Variants in UMODL1 observed in about 807,000 individuals in gnomAD.
UMODL1 encodes uromodulin-like 1.
UMODL1 carries 128 observed loss-of-function variants against 136.3 expected under a neutral mutation model. The observed-to-expected ratio is 0.94, with a 90% CI of 0.81 to 1.09. The LOEUF is 1.09. UMODL1 is among the 50% of genes least tolerant of loss of function. UMODL1 has a pLI of 0.00. For synonymous variants in UMODL1, 721 were observed against 720.0 expected (o/e 1.00, Z -0.02); for missense variants, 1,766 against 1,725.6 (o/e 1.02, Z -0.41).
chr21:42,102,123 T>G (rs768758993), intron 7 of UMODL1, 43 bp from the exon 8 acceptor site: 8 of 1,469,084 alleles, frequency 5.4e-6, no homozygotes, highest in Non-Finnish European at 7.6e-6. Flanking sequence ...GACAAGTGTG[T>G]GACTTTTGAC....
At chr21:42,108,879 CGT>C (rs1233820785) in intron 9 of UMODL1, among the ~76,000 whole-genome samples, 11 of 127,614 alleles carry the variant, frequency 8.6e-5, no homozygotes, top group East Asian at 2.4e-4. Flanking sequence ...CCACCCCCGG[CGT>C]GGGAAGTTCA....
rs924433721 is a variant in UMODL1, at chr21:42,076,011, G to C, written c.83G>C (p.Gly28Ala). The C allele has an allele frequency of 1.9e-6, 3 of 1,613,596 alleles. No homozygotes were observed. The highest frequency in any genetic ancestry group is 2.2e-5 in the East Asian group (1 of 44,866). ...CTTGCTTGGCCTCTTTCAGAAAAAG[G>C]CCTCTCCCTGTTGGGCTACCAGCTA... Reference protein sequence around the residue: ...PSQASGFTEKGLSLLGYQLCS... With the variant: ...PSQASGFTEKALSLLGYQLCS... Residue 28 changes from glycine to alanine, a missense_variant, in exon 2 of 23, where the codon GGC (glycine) becomes GCC (alanine). Gly to Ala is a moderately conservative substitution (Grantham distance 60, BLOSUM62 0). Transcript: ENST00000408910.
chr21:42,124,185 A>C (rs1452000527), intron 17 of UMODL1, among the ~76,000 whole-genome samples: 1 of 152,214 alleles, frequency 6.6e-6, no homozygotes, highest in Non-Finnish European at 1.5e-5. Context: ...CATGGAGCAC[A>C]AAGGCTTCGT....
chr21:42,128,664 G>A (rs2019911009), intron 20 of UMODL1, among the ~76,000 whole-genome samples: 3 of 152,218 alleles, frequency 2.0e-5, no homozygotes. Flanking sequence ...CAGGCTGAGG[G>A]CCACACACGA....
At chr21:42,131,034 C>T (rs1305643549) in intron 21 of UMODL1, among the ~76,000 whole-genome samples, 5 of 152,020 alleles carry the variant, frequency 3.3e-5, no homozygotes, top group Non-Finnish European at 5.9e-5. Flanking sequence ...AGGATGGTCT[C>T]GATCTCCTGA....
chr21:42,078,538 AAACC>A (rs2066321281), intron 2 of UMODL1, among the ~76,000 whole-genome samples: 1 of 27,762 alleles, frequency 3.6e-5, no homozygotes, highest in Admixed American at 3.0e-4. Context: ...TCACCAACAG[AAACC>A]AGGCGGGGCC....
chr21:42,068,409 G>A (rs923446772), upstream of UMODL1, among the ~76,000 whole-genome samples: 14 of 152,160 alleles, frequency 9.2e-5, no homozygotes, highest in South Asian at 4.1e-4. The surrounding 1 kb of genome is among the most constrained non-coding windows in gnomAD (Gnocchi z 5.5). Context: ...TTAAGTCACC[G>A]CCGCTGTCAG....
chr21:42,141,550 AT>A (rs2067281933), intron 22 of UMODL1, among the ~76,000 whole-genome samples: 2 of 152,260 alleles, frequency 1.3e-5, no homozygotes, highest in Admixed American at 1.3e-4. Flanking sequence ...GTGCTGGGTC[AT>A]GCTGGATGTC....
intron 21 of UMODL1, among the ~76,000 whole-genome samples, chr21:42,136,102 A>G (rs2067201794): frequency 6.6e-6 from 1 of 152,268 alleles, no homozygotes; most frequent in Non-Finnish European, 1.5e-5. Context: ...TTATACCCAC[A>G]CACGGTGGGC....
Position 42,119,249 on chromosome 21 carries a change from G to T in UMODL1, c.2614G>T (p.Val872Leu). ...AATCGCAGATGTGGATGTCCAGGAG[G>T]TGTCAGCTGCATTTCTCACCGCCTT... ...LIIADVDVQEVSAAFLTAFQT... is the reference protein window; with the variant it reads ...LIIADVDVQELSAAFLTAFQT... Residue 872 changes from valine to leucine, a missense_variant, in exon 15 of 23, where the codon GTG becomes TTG. Transcript: ENST00000408910. 6.2e-7 allele frequency: 1 copy of T among 1,614,228 alleles called. No homozygotes were observed. The highest frequency in any genetic ancestry group is 8.5e-7 in the Non-Finnish European group (1 of 1,180,044).
intron 15 of UMODL1, 130 bp from the exon 16 acceptor site, chr21:42,120,957 C>T: frequency 1.7e-6 from 2 of 1,210,730 alleles, no homozygotes; most frequent in East Asian, 2.4e-5. Flanking sequence ...AACTGGTGAG[C>T]TTGACTGCAG....
Position 42,123,012 on chromosome 21 carries a change from G to C in UMODL1, c.3009G>C (p.Gln1003His), listed in dbSNP as rs1035862861. The part of the protein sequence containing the change: ...CEIEKVVVAI[Q>H]KRFLQQESIP... ...TCGAGAAGGTGGTTGTCGCCATCCA[G>C]AAGCGCTTCCTGCAGCAGGAATCCA... Residue 1003 changes from glutamine to histidine, a missense_variant, in exon 17 of 23, where the codon CAG becomes CAC. Transcript: ENST00000408910. This position sits in a 1 kb window ranked among gnomAD's most constrained non-coding sequence, Gnocchi z 4.4. 25 of 1,613,806 alleles carry C rather than the reference G, an allele frequency of 1.5e-5. No individual in the cohort carries two copies. The highest frequency in any genetic ancestry group is 2.0e-5 in the Non-Finnish European group (24 of 1,180,028).
chr21:42,095,949 C>A (rs1428541161), intron 6 of UMODL1, among the ~76,000 whole-genome samples: 3 of 152,104 alleles, frequency 2.0e-5, no homozygotes, highest in South Asian at 2.1e-4. Context: ...GGAGGGAGTA[C>A]TGCAGGGGGC....
upstream of UMODL1, among the ~76,000 whole-genome samples, chr21:42,070,771 A>C (rs1237345658): frequency 6.6e-6 from 1 of 152,250 alleles, no homozygotes; most frequent in African/African-American, 2.4e-5. Flanking sequence ...TCGTGCTCTC[A>C]GCCCAAGCTC....
At chr21:42,114,957 AGCCATG>A (rs2066884014) in intron 13 of UMODL1, among the ~76,000 whole-genome samples, 1 of 152,226 alleles carries the variant, frequency 6.6e-6, no homozygotes, top group South Asian at 2.1e-4. Flanking sequence ...TGCTCATGCC[AGCCATG>A]GAGACTGAAC....
intron 8 of UMODL1, chr21:42,102,952 G>A (rs535790123): frequency 6.5e-6 from 1 of 153,802 alleles, no homozygotes; most frequent in Admixed American, 6.4e-5. Flanking sequence ...GTCCCGCAGA[G>A]GTGATGCAGA....
rs200913339 is a variant in UMODL1, at chr21:42,102,158, T to C, written c.1187-8T>C. The C allele has an allele frequency of 1.6e-4, 251 of 1,605,328 alleles. No individual in the cohort carries two copies. The African/African-American group carries it at 3.0e-3, about 19-fold the overall frequency. On this transcript the variant is annotated splice_polypyrimidine_tract_variant and splice_region_variant and intron_variant, in intron 7 of 22. Transcript: ENST00000408910. ...CCACAGGCTAATTTGTTTCACTGTC[T>C]GTCTCAGATGCCCAGGTATTTGAAG...
chr21:42,128,374 T>G (rs1474895933), intron 20 of UMODL1, among the ~76,000 whole-genome samples: 1 of 152,236 alleles, frequency 6.6e-6, no homozygotes, highest in Non-Finnish European at 1.5e-5. Context: ...GACAAGTACA[T>G]GAGGTTCCCA....
chr21:42,104,922 T>A (rs1471429420), intron 9 of UMODL1, among the ~76,000 whole-genome samples: 1 of 152,212 alleles, frequency 6.6e-6, no homozygotes, highest in Non-Finnish European at 1.5e-5. Flanking sequence ...AGTTCTCTCC[T>A]GGCTGTGAGG....
Sources: gnomAD v4.1 joint callset for allele counts (sites outside exome capture counted in the v4.1 genomes callset) on GRCh38, gnomAD v4.1.1 for gene constraint, Gnocchi (gnomAD v3.1) non-coding constraint, MANE v1.5 for transcripts, NCBI Gene and HGNC (gene_info 2026-07-23, HGNC 2026-07-21) for gene names.